The following LRRC7 variants were observed in gnomAD, a reference collection of about 807,000 sequenced individuals.
LRRC7 encodes the protein leucine-rich repeat-containing protein 7.
A neutral mutation model predicts 175.7 loss-of-function variants in LRRC7; 23 were observed. The ratio of observed to expected loss-of-function variants is 0.13; its 90% CI spans 0.09 to 0.19. The LOEUF (loss-of-function observed/expected upper bound fraction) is 0.19. Among genes scored for constraint, LRRC7 ranks in the 10% least tolerant of loss-of-function variants. LRRC7 has a pLI of 1.00. For synonymous variants in LRRC7, 685 were observed against 680.9 expected, an observed-to-expected ratio of 1.01 and a Z score of -0.09; for missense variants, 1,354 against 1,904.7, an observed-to-expected ratio of 0.71 and a Z score of 5.38.
At chr1:69,735,439 G>A (rs1668006104) in intron 2 of LRRC7, among the ~76,000 whole-genome samples, 1 of 151,830 alleles carries the variant, frequency 6.6e-6, no homozygotes, top group Non-Finnish European at 1.5e-5. Flanking sequence ...TTATCCATTT[G>A]GGCAAGACTA....
At chr1:70,042,478 A>G (rs958196751) in intron 21 of LRRC7, among the ~76,000 whole-genome samples, 2 of 152,246 alleles carry the variant, frequency 1.3e-5, no homozygotes, top group African/African-American at 4.8e-5. Flanking sequence ...GGATAAGCAT[A>G]ACAGTTCAAC....
intron 1 of LRRC7, among the ~76,000 whole-genome samples, chr1:69,652,550 C>T (rs1656009244): frequency 6.6e-6 from 1 of 152,094 alleles, no homozygotes; most frequent in Admixed American, 6.6e-5. Flanking sequence ...CTACCCAAAG[C>T]AATCTACAAA....
At chr1:69,902,235 A>T (rs1646154919) in intron 7 of LRRC7, among the ~76,000 whole-genome samples, 1 of 152,194 alleles carries the variant, frequency 6.6e-6, no homozygotes, top group Admixed American at 6.5e-5. Context: ...TGTTTGTTAA[A>T]TTGATTTTAA....
At chr1:69,714,220 T>C (rs1665095419) in intron 2 of LRRC7, among the ~76,000 whole-genome samples, 1 of 152,148 alleles carries the variant, frequency 6.6e-6, no homozygotes, top group Non-Finnish European at 1.5e-5. Context: ...TTTCCAACAA[T>C]ATCTAGTCTC....
At position 69,738,661 on chromosome 1, in the gene LRRC7, CTA is replaced by C. The variant is rs1668382071; in HGVS notation, c.101-21528_101-21527del. Among the ~76,000 whole-genome samples the C allele has an allele frequency of 2.6e-5, 4 of 152,020 alleles. No individual in the cohort carries two copies. The South Asian group carries it at 8.3e-4, about 31-fold the overall frequency. On this transcript the variant is annotated intron_variant, in intron 2 of 26. Transcript: ENST00000651989. Reference sequence around the variant, plus strand: ...CCTTTGAGAGAGAGAAAAAGAAAGACTATTTTTATTCAAAATCAACATAGTTG... The same window carrying C: ...CCTTTGAGAGAGAGAAAAAGAAAGACTTTTTATTCAAAATCAACATAGTTG...
chr1:69,935,299 T>G (rs1647886374), intron 8 of LRRC7, among the ~76,000 whole-genome samples: 1 of 152,182 alleles, frequency 6.6e-6, no homozygotes, highest in Non-Finnish European at 1.5e-5. Context: ...TATCCTGTGC[T>G]ATTCAAGCAG....
At chr1:69,899,287 G>C (rs144226173) in intron 7 of LRRC7, among the ~76,000 whole-genome samples, 152 of 152,276 alleles carry the variant, frequency 1.0e-3, no homozygotes, top group African/African-American at 3.4e-3. Flanking sequence ...ATGATCAGCA[G>C]GGAAATACCA....
At chr1:69,864,175 A>G (rs1213934940) in intron 7 of LRRC7, among the ~76,000 whole-genome samples, 1 of 152,220 alleles carries the variant, frequency 6.6e-6, no homozygotes, top group Non-Finnish European at 1.5e-5. Context: ...AGAAGAAAAT[A>G]ATAATAATTT....
At chr1:69,969,089 A>C (rs1651963039) in intron 8 of LRRC7, among the ~76,000 whole-genome samples, 2 of 152,102 alleles carry the variant, frequency 1.3e-5, no homozygotes, top group African/African-American at 4.8e-5. Context: ...AAGTGCTGGG[A>C]TTACAGATGT....
intron 7 of LRRC7, among the ~76,000 whole-genome samples, chr1:69,886,780 G>A (rs1237821117): frequency 6.0e-5 from 9 of 150,832 alleles, no homozygotes; most frequent in Admixed American, 2.0e-4. Flanking sequence ...CATGTTTAGC[G>A]CTTCCTTCAG....
chr1:69,976,482 A>G (rs1025897917), intron 8 of LRRC7, among the ~76,000 whole-genome samples: 1 of 152,192 alleles, frequency 6.6e-6, no homozygotes, highest in African/African-American at 2.4e-5. Context: ...TCCTTTGGCA[A>G]CACCCTCACA....
intron 5 of LRRC7, among the ~76,000 whole-genome samples, chr1:69,826,306 C>A (rs1388155018): frequency 6.6e-6 from 1 of 151,982 alleles, no homozygotes; most frequent in Non-Finnish European, 1.5e-5. Flanking sequence ...AAAGAGATAA[C>A]CCTAGGAGAA....
At chr1:69,797,688 C>G (rs1675954811) in intron 4 of LRRC7, among the ~76,000 whole-genome samples, 1 of 152,144 alleles carries the variant, frequency 6.6e-6, no homozygotes, top group African/African-American at 2.4e-5. Context: ...GGTCTCATCT[C>G]CATTATTGCC....
In LRRC7 at chr1:70,023,197, C is replaced by T. The variant is rs753741457; in HGVS notation, c.1617C>T (p.Gly539=). ...GITLQPARLS[G]DCCTPWARCD... ...CTCTCCAACCTGCCAGACTGTCTGG[C>T]GATTGCTGCACACCATGGGCCAGGT... The change falls in exon 17 of 27, where the codon GGC becomes GGT. Residue 539 remains glycine (G), a synonymous_variant. Coordinates refer to ENST00000651989, the MANE Select transcript of LRRC7 (RefSeq NM_001370785.2). The T allele has an allele frequency of 8.8e-6, 14 of 1,588,842 alleles. No homozygotes were observed. Among genetic ancestry groups the T allele is most frequent in the South Asian group, 5.8e-5 (5 of 86,944 alleles).
chr1:69,598,705 T>C (rs1184108396), intron 1 of LRRC7, among the ~76,000 whole-genome samples: 1 of 152,200 alleles, frequency 6.6e-6, no homozygotes, highest in Non-Finnish European at 1.5e-5. Context: ...ATCTAGCCAG[T>C]TGACCCATAA....
chr1:70,073,804 G>A (rs942060422), intron 23 of LRRC7, among the ~76,000 whole-genome samples: 5 of 152,180 alleles, frequency 3.3e-5, no homozygotes, highest in Non-Finnish European at 7.4e-5. Flanking sequence ...TCAGTAGCCA[G>A]GCCAGTCACC....
intron 7 of LRRC7, among the ~76,000 whole-genome samples, chr1:69,891,419 A>G (rs1315270771): frequency 6.6e-6 from 1 of 152,204 alleles, no homozygotes; most frequent in African/African-American, 2.4e-5. Flanking sequence ...AACAATTACA[A>G]TAGTAGTAAC....
intron 1 of LRRC7, among the ~76,000 whole-genome samples, chr1:69,659,056 A>T (rs1657059796): frequency 6.6e-6 from 1 of 151,994 alleles, no homozygotes; most frequent in African/African-American, 2.4e-5. Flanking sequence ...AAACTTTGGT[A>T]GAAGAATGCA....
chr1:69,783,985 TGAGA>T (rs1348717949), intron 3 of LRRC7, among the ~76,000 whole-genome samples: 8 of 151,644 alleles, frequency 5.3e-5, no homozygotes, highest in Non-Finnish European at 1.2e-4. Flanking sequence ...TAGAAAAAAA[TGAGA>T]AAGAGCCCAA....
Sources: gnomAD v4.1 joint callset for allele counts (sites outside exome capture counted in the v4.1 genomes callset) on GRCh38, gnomAD v4.1.1 for gene constraint, MANE v1.5 for transcripts, NCBI Gene and HGNC (gene_info 2026-07-23, HGNC 2026-07-21) for gene names.